PRPF8: variants seen among roughly 807,000 people sequenced by gnomAD.
PRPF8 encodes pre-mRNA processing factor 8, also known as pre-mRNA-processing-splicing factor 8.
In PRPF8, 64 loss-of-function variants were observed where a neutral mutation model predicts 285.9. That is an observed-to-expected ratio of 0.22 (90% CI 0.18 to 0.28). The LOEUF (loss-of-function observed/expected upper bound fraction) is 0.28. PRPF8 is among the 10% of genes least tolerant of loss of function. The probability of loss-of-function intolerance (pLI) is 1.00; values close to 1 mark genes in which losing one functional copy is unlikely to be tolerated. For synonymous variants in PRPF8, 1,325 were observed against 1,118.2 expected (o/e 1.18, Z -3.69); for missense variants, 1,426 against 3,026.7 (o/e 0.47, Z 12.41).
intron 24 of PRPF8, among the ~76,000 whole-genome samples, chr17:1,672,579 G>A (rs1019631711): frequency 4.6e-5 from 7 of 152,140 alleles, no homozygotes; most frequent in African/African-American, 7.2e-5. Flanking sequence ...CACCGTGCCC[G>A]GCCGAGGTAA....
At position 1,661,874 on chromosome 17, in the gene PRPF8, AGG is replaced by A. The variant is rs760242441; in HGVS notation, c.4022+30_4022+31del. 6.2e-7 allele frequency: 1 copy of A among 1,614,208 alleles called. No individual in the cohort carries two copies. Among genetic ancestry groups the A allele is most frequent in the South Asian group, 1.1e-5 (1 of 91,086 alleles). On this transcript the variant is annotated intron_variant, in intron 25 of 42. Transcript: ENST00000304992. This position sits in a 1 kb window ranked among gnomAD's most constrained non-coding sequence, Gnocchi z 7.3. ...CCACTTCCCTTAGGGCCTGAGCAAT[AGG>A]GTTTAGAAATACGTTGAACCAGGCT...
intron 1 of PRPF8, 80 bp from the exon 2 acceptor site, chr17:1,684,662 C>T: frequency 7.5e-7 from 1 of 1,325,628 alleles, no homozygotes; most frequent in African/African-American, 1.5e-5. Flanking sequence ...CGTCCGGGGA[C>T]CCCGGCCTGC....
At position 1,679,413 on chromosome 17, in the gene PRPF8, G is replaced by A. The variant is rs369478085; in HGVS notation, c.1290-3C>T. On this transcript the variant is annotated splice_polypyrimidine_tract_variant and splice_region_variant and intron_variant, in intron 9 of 42. Transcript: ENST00000304992. The surrounding 1 kb of genome is among the most constrained non-coding windows in gnomAD (Gnocchi z 4.7). ...CGGCAGGACAATGCTCCCGATACCT[G>A]GAAAAATAAGCCCACCAGAGTTTGG... 6 of 1,612,154 alleles carry A rather than the reference G, an allele frequency of 3.7e-6. No homozygotes were observed. The South Asian group carries it at 4.4e-5, about 12-fold the overall frequency.
Position 1,678,836 on chromosome 17 carries a change from C to G in PRPF8, c.1645G>C (p.Glu549Gln). Residue 549 changes from glutamate (E) to glutamine (Q), a missense_variant, in exon 12 of 43, where the codon GAA becomes CAA. Glu to Gln is a conservative substitution (Grantham distance 29). Coordinates refer to ENST00000304992, the MANE Select transcript of PRPF8 (RefSeq NM_006445.4). ...RFGNAFHLCR[E>Q]VLRLTKLVVD... ...ACCAGCTTAGTCAAACGCAGAACTT[C>G]CCGACACAGGTGGAAAGCATTCCCA... is the stretch of plus-strand genomic sequence containing the variant. The G allele has an allele frequency of 6.2e-7, 1 of 1,614,196 alleles. No homozygotes were observed. Among genetic ancestry groups the G allele is most frequent in the East Asian group, 2.2e-5 (1 of 44,880 alleles).
At chr17:1,654,927 G>A (rs1911277874) in intron 37 of PRPF8, 1 of 226,572 alleles carries the variant, frequency 4.4e-6, no homozygotes, top group South Asian at 6.0e-5. Flanking sequence ...ACTCAAGCCT[G>A]GCTAAGACAA....
At position 1,656,854 on chromosome 17, in the gene PRPF8, C is replaced by T. The variant is rs142005085; in HGVS notation, c.5506-93G>A. On this transcript the variant is annotated intron_variant, in intron 34 of 42. Coordinates refer to ENST00000304992, the MANE Select transcript of PRPF8 (RefSeq NM_006445.4). ...TCCTAGTTTTGAAATAATCCAACTA[C>T]GTTTCTATTGAACACTGATGTTAAA... The T allele has an allele frequency of 1.6e-4, 175 of 1,128,312 alleles. No homozygotes were observed. The East Asian group carries it at 1.7e-3, about 11-fold the overall frequency. 69.9% of individuals were successfully genotyped at this position (1,128,312 alleles called of 1,614,324 possible).
Position 1,684,543 on chromosome 17 carries a change from G to A in PRPF8, c.29C>T (p.Pro10Leu). The A allele has an allele frequency of 6.2e-7, 1 of 1,612,598 alleles. No individual in the cohort carries two copies. Among genetic ancestry groups the A allele is most frequent in the Non-Finnish European group, 8.5e-7 (1 of 1,179,880 alleles). Reference sequence around the variant, plus strand: ...TAGAGGGCCAGGCACCGGGTTACCCGGCCCTCGATAAGGAAACACTCCGGC... The same window carrying A: ...TAGAGGGCCAGGCACCGGGTTACCCAGCCCTCGATAAGGAAACACTCCGGC... Reference protein sequence around the residue: MAGVFPYRGPGNPVPGPLAP... With the variant: MAGVFPYRGLGNPVPGPLAP... Residue 10 changes from proline to leucine, a missense_variant, in exon 2 of 43, where the codon CCG (proline) becomes CTG (leucine). Pro to Leu is a moderately conservative substitution (Grantham distance 98). Transcript: ENST00000304992.
At chr17:1,662,199 G>T in intron 24 of PRPF8, 46 bp from the exon 25 acceptor site, 1 of 1,610,462 alleles carries the variant, frequency 6.2e-7, no homozygotes. Flanking sequence ...AGCCAGGGGC[G>T]GGGAGGGTGG....
chr17:1,657,412 A>AG (rs1911444560), intron 34 of PRPF8, among the ~76,000 whole-genome samples: 1 of 152,000 alleles, frequency 6.6e-6, no homozygotes, highest in South Asian at 2.1e-4. Context: ...TTGAGAGGCC[A>AG]AGGCGGGCGG....
intron 8 of PRPF8, among the ~76,000 whole-genome samples, chr17:1,680,055 C>T (rs1294641532): frequency 6.6e-6 from 1 of 152,194 alleles, no homozygotes; most frequent in Non-Finnish European, 1.5e-5. Context: ...GGAGCCCCAA[C>T]ATCACAGGAG....
At position 1,676,621 on chromosome 17, in the gene PRPF8, G is replaced by A; in HGVS notation, c.2272C>T (p.Arg758Ter). 1 of 1,614,190 alleles carries A rather than the reference G, an allele frequency of 6.2e-7. No individual in the cohort carries two copies. The highest frequency in any genetic ancestry group is 8.5e-7 in the Non-Finnish European group (1 of 1,180,042). ...DWWTNTAHYN[R>*]ERIRRGATVD... is the part of the protein sequence containing the mutation. ...GTGGCCCCTCGGCGGATCCGTTCTC[G>A]GTTGTAGTGGGCAGTGTTGGTCCAC... is the stretch of plus-strand genomic sequence containing the variant. The change falls in exon 16 of 43, where the codon CGA (arginine) becomes TGA (stop). Residue 758 changes from arginine to a stop codon, truncating the protein, a stop_gained. Transcript: ENST00000304992. LOFTEE classifies it high-confidence loss of function. This position sits in a 1 kb window ranked among gnomAD's most constrained non-coding sequence, Gnocchi z 6.3.
At position 1,651,128 on chromosome 17, in the gene PRPF8, G is replaced by C. The variant is rs1327478855; in HGVS notation, c.6833C>G (p.Ser2278Trp). Reference sequence around the variant, plus strand: ...CTTACCCATGAAGTTGTAGTTCCACGAGGACTGGGCAGGGACCATGAAGAA... The same window carrying C: ...CTTACCCATGAAGTTGTAGTTCCACCAGGACTGGGCAGGGACCATGAAGAA... ...LGFFMVPAQSSWNYNFMGVRH... is the reference protein window; with the variant it reads ...LGFFMVPAQSWWNYNFMGVRH... Residue 2278 changes from serine to tryptophan, a missense_variant, in exon 42 of 43, where the codon TCG becomes TGG. Ser to Trp is a radical substitution (Grantham distance 177, BLOSUM62 -3). Coordinates refer to ENST00000304992, the MANE Select transcript of PRPF8 (RefSeq NM_006445.4). The surrounding 1 kb of genome is among the most constrained non-coding windows in gnomAD (Gnocchi z 5.1). The C allele has an allele frequency of 6.2e-7, 1 of 1,613,984 alleles. No homozygotes were observed. The highest frequency in any genetic ancestry group is 8.5e-7 in the Non-Finnish European group (1 of 1,180,018).
chr17:1,673,883 T>C lies in PRPF8; in HGVS notation c.3309A>G (p.Ala1103=), dbSNP rs768971976. ...DRIHIFFRFT[A]DEARDLIQRY... is the part of the protein sequence containing the mutation. ...GTTGAATCAGGTCCCGAGCCTCATC[T>C]GCTGTGAACCTACACCAGACCAGGT... Residue 1103 remains alanine, a synonymous_variant, in exon 22 of 43, where the codon GCA becomes GCG. Transcript: ENST00000304992. The surrounding 1 kb of genome is among the most constrained non-coding windows in gnomAD (Gnocchi z 5.5). 4.2e-5 allele frequency: 67 copies of C among 1,613,402 alleles called. No homozygotes were observed. In the South Asian group the frequency reaches 7.0e-4, roughly 17 times the overall value.
intron 30 of PRPF8, 61 bp downstream of exon 30, chr17:1,660,371 T>C (rs1911617364): frequency 6.2e-7 from 1 of 1,610,670 alleles, no homozygotes; most frequent in East Asian, 2.2e-5. Flanking sequence ...CAGTACCCTC[T>C]CCCCTCAATT....
At chr17:1,671,173 C>T (rs533592969) in intron 24 of PRPF8, among the ~76,000 whole-genome samples, 9 of 152,322 alleles carry the variant, frequency 5.9e-5, no homozygotes, top group Middle Eastern at 3.4e-3. Context: ...TGCTCTCCCT[C>T]ACCTGTCTCA....
chr17:1,677,509 G>T, intron 14 of PRPF8, 56 bp downstream of exon 14: 1 of 1,612,952 alleles, frequency 6.2e-7, no homozygotes, highest in Non-Finnish European at 8.5e-7. Context: ...CTCAAACAGG[G>T]GCAGGTACTT....
chr17:1,650,902 T>C lies in PRPF8; in HGVS notation c.6908A>G (p.Glu2303Gly), dbSNP rs779481846. 5 of 1,614,174 alleles carry C rather than the reference T, an allele frequency of 3.1e-6. No individual in the cohort carries two copies. The Admixed American group carries it at 6.7e-5, about 22-fold the overall frequency. ...GGGCCTGTGCACCTCGTGGTAGAAC[T>C]CTTTGGGGTTCGCCAGCTGTAGCTC... ...KYELQLANPK[E>G]FYHEVHRPSH... is the part of the protein sequence containing the mutation. Residue 2303 changes from glutamate (E) to glycine (G), a missense_variant, in exon 43 of 43, where the codon GAG (glutamate) becomes GGG (glycine). Physicochemically the swap from Glu to Gly is moderately conservative, Grantham distance 98 (BLOSUM62 -2). Coordinates refer to ENST00000304992, the MANE Select transcript of PRPF8 (RefSeq NM_006445.4).
chr17:1,669,683 A>C (rs1912202462), intron 24 of PRPF8, among the ~76,000 whole-genome samples: 1 of 152,138 alleles, frequency 6.6e-6, no homozygotes, highest in African/African-American at 2.4e-5. Context: ...TGTCAAATCC[A>C]ATGGATACTT....
Position 1,680,951 on chromosome 17 carries a change from G to A in PRPF8, c.970C>T (p.Pro324Ser). The A allele has an allele frequency of 6.2e-7, 1 of 1,614,144 alleles. No individual in the cohort carries two copies. The highest frequency in any genetic ancestry group is 8.5e-7 in the Non-Finnish European group (1 of 1,179,996). Residue 324 changes from proline to serine, a missense_variant, in exon 7 of 43, where the codon CCA becomes TCA. Physicochemically the swap from Pro to Ser is moderately conservative, Grantham distance 74. Coordinates refer to ENST00000304992, the MANE Select transcript of PRPF8 (RefSeq NM_006445.4). ...TACCAGGTGAGGTGGACATGGTGTG[G>A]AAGATTGTTGTACAAGTAAGGAAAA... ...IAFPYLYNNLPHHVHLTWYHT... is the reference protein window; with the variant it reads ...IAFPYLYNNLSHHVHLTWYHT...
Sources: gnomAD v4.1 joint callset for allele counts (sites outside exome capture counted in the v4.1 genomes callset) on GRCh38, gnomAD v4.1.1 for gene constraint, Gnocchi (gnomAD v3.1) non-coding constraint, MANE v1.5 for transcripts, NCBI Gene and HGNC (gene_info 2026-07-23, HGNC 2026-07-21) for gene names.